CTNNA3: variants seen among roughly 807,000 people sequenced by gnomAD.
The protein encoded by CTNNA3 is catenin alpha 3, also known as catenin alpha-3.
CTNNA3 carries 76 observed loss-of-function variants against 95.7 expected under a neutral mutation model. That is an observed-to-expected ratio of 0.79 (90% CI 0.66 to 0.96). The LOEUF (loss-of-function observed/expected upper bound fraction) is 0.96, where lower values mean the gene tolerates loss of function less well. Among genes scored for constraint, CTNNA3 ranks in the 40% least tolerant of loss-of-function variants. The probability of loss-of-function intolerance (pLI) is 0.00; values close to 1 mark genes in which losing one functional copy is unlikely to be tolerated. For missense variants in CTNNA3, 1,191 were observed against 1,089.8 expected (o/e 1.09, Z -1.31); for synonymous variants, 431 against 374.4 (o/e 1.15, Z -1.74).
chr10:66,605,016 G>T (rs1478705084), intron 10 of CTNNA3, among the ~76,000 whole-genome samples: 1 of 152,124 alleles, frequency 6.6e-6, no homozygotes, highest in African/African-American at 2.4e-5. Flanking sequence ...AGATCATTAA[G>T]ATGCAGGAGT....
Position 66,121,562 on chromosome 10 carries a change from A to G in CTNNA3, c.1885-18313T>C, listed in dbSNP as rs116748147. On this transcript the variant is annotated intron_variant, in intron 13 of 17. Transcript: ENST00000433211. ...ACTTGGAATAATCATGTGGGAAAAA[A>G]GTTGTAGCCAGGTGCAGTGGTTCAT... Among the ~76,000 whole-genome samples, 477 of 152,250 alleles carry G rather than the reference A, an allele frequency of 3.1e-3. 2 individuals carry two copies. The highest frequency in any genetic ancestry group is 0.011 in the African/African-American group (455 of 41,546).
chr10:66,231,271 C>T (rs564871370), intron 13 of CTNNA3, among the ~76,000 whole-genome samples: 2 of 152,046 alleles, frequency 1.3e-5, no homozygotes, highest in Non-Finnish European at 2.9e-5. Flanking sequence ...GCAGACAATC[C>T]TGGCCAGACA....
At chr10:66,732,772 T>A (rs1849001940) in intron 9 of CTNNA3, among the ~76,000 whole-genome samples, 1 of 144,598 alleles carries the variant, frequency 6.9e-6, no homozygotes, top group African/African-American at 2.9e-5. Context: ...CAGCCAAACA[T>A]TATCCCCTAA....
intron 3 of CTNNA3, among the ~76,000 whole-genome samples, chr10:67,605,002 G>T (rs1843215080): frequency 1.3e-5 from 2 of 152,074 alleles, no homozygotes; most frequent in African/African-American, 2.4e-5. Context: ...ATTAGAAATA[G>T]AACTACCATT....
chr10:66,775,247 A>G (rs573452507), intron 8 of CTNNA3, among the ~76,000 whole-genome samples, 197 bp downstream of exon 8: 51 of 152,322 alleles, frequency 3.3e-4, no homozygotes, highest in Non-Finnish European at 5.6e-4. Context: ...TAAGGCACAC[A>G]TTCTTTCTCT....
chr10:66,726,270 G>C (rs1848778798), intron 9 of CTNNA3, among the ~76,000 whole-genome samples: 1 of 151,898 alleles, frequency 6.6e-6, no homozygotes. Flanking sequence ...GAATTTCATG[G>C]GTTCCTTTCA....
At chr10:66,088,945 T>C (rs77939481) in intron 14 of CTNNA3, among the ~76,000 whole-genome samples, 1 of 152,220 alleles carries the variant, frequency 6.6e-6, no homozygotes, top group East Asian at 1.9e-4. Context: ...TTTCTTCTTA[T>C]TAATTTGTGA....
chr10:66,055,355 A>C (rs1371048470), intron 15 of CTNNA3, among the ~76,000 whole-genome samples: 1 of 152,190 alleles, frequency 6.6e-6, no homozygotes, highest in Non-Finnish European at 1.5e-5. Flanking sequence ...ATCCATGAAC[A>C]TGAAATATAT....
chr10:66,680,553 T>C (rs540968250), intron 9 of CTNNA3, among the ~76,000 whole-genome samples: 1 of 152,280 alleles, frequency 6.6e-6, no homozygotes, highest in Admixed American at 6.5e-5. Context: ...TCATCTATAA[T>C]ACTTGGGATA....
At chr10:66,245,905 C>G (rs1032871730) in intron 13 of CTNNA3, among the ~76,000 whole-genome samples, 5 of 152,204 alleles carry the variant, frequency 3.3e-5, no homozygotes, top group African/African-American at 1.2e-4. Flanking sequence ...TCACCTCTGG[C>G]TGAGACTTTG....
Position 67,576,831 on chromosome 10 carries a change from T to A in CTNNA3, c.292+30026A>T, listed in dbSNP as rs1345088839. Among the ~76,000 whole-genome samples, 7 of 110,212 alleles carry A rather than the reference T, an allele frequency of 6.4e-5. 1 individual carries two copies. The highest frequency in any genetic ancestry group is 1.2e-4 in the African/African-American group (2 of 17,160). 72.3% of individuals were successfully genotyped at this position (110,212 alleles called of 152,430 possible). On this transcript the variant is annotated intron_variant, in intron 3 of 17. Coordinates refer to ENST00000433211, the MANE Select transcript of CTNNA3 (RefSeq NM_013266.4). ...TTGGTTTTTTGTCCTTGCAATAGTT[T>A]GCTGAGAATGATAGTTTCCAGCATC...
chr10:66,137,759 C>A (rs1046463418), intron 13 of CTNNA3, among the ~76,000 whole-genome samples: 3 of 151,806 alleles, frequency 2.0e-5, no homozygotes, highest in African/African-American at 7.3e-5. Flanking sequence ...TTAGCCTGGG[C>A]AACATGGCAA....
At chr10:66,929,944 G>A (rs1452088547) in intron 7 of CTNNA3, among the ~76,000 whole-genome samples, 1 of 152,130 alleles carries the variant, frequency 6.6e-6, no homozygotes, top group African/African-American at 2.4e-5. Context: ...GCAACATTGA[G>A]GCTGTTTCAT....
chr10:66,972,080 G>A (rs1849752887), intron 7 of CTNNA3, among the ~76,000 whole-genome samples: 1 of 152,036 alleles, frequency 6.6e-6, no homozygotes, highest in Admixed American at 6.6e-5. Flanking sequence ...ACTCCACTGA[G>A]CTTTTAAGCT....
intron 5 of CTNNA3, among the ~76,000 whole-genome samples, chr10:67,496,079 T>C (rs900548282): frequency 1.3e-5 from 2 of 152,228 alleles, no homozygotes; most frequent in East Asian, 1.9e-4. Context: ...GTATATTTCT[T>C]ATATCGAGCA....
intron 9 of CTNNA3, among the ~76,000 whole-genome samples, chr10:66,755,779 C>T (rs1330519651): frequency 6.6e-6 from 1 of 152,124 alleles, no homozygotes; most frequent in Non-Finnish European, 1.5e-5. Flanking sequence ...ATTCTCATCT[C>T]CTTTTCCTAA....
rs139237480 is a variant in CTNNA3 at position 66,458,988 on chromosome 10, C to T, written c.1531+61629G>A. On this transcript the variant is annotated intron_variant, in intron 11 of 17. Transcript: ENST00000433211. ...TGAACTGCATGAGTCCACTTATATG[C>T]AGATATTTTCAATAAAACTTACACT... Among the ~76,000 whole-genome samples the T allele has an allele frequency of 3.3e-3, 502 of 152,132 alleles. 1 individual carries two copies. Among genetic ancestry groups the T allele is most frequent in the African/African-American group, 0.012 (481 of 41,526 alleles).
intron 11 of CTNNA3, among the ~76,000 whole-genome samples, chr10:66,512,622 A>T (rs1354564720): frequency 1.3e-5 from 2 of 152,036 alleles, no homozygotes; most frequent in Non-Finnish European, 2.9e-5. Flanking sequence ...CTTTTGCTTA[A>T]TTGATAGATA....
intron 7 of CTNNA3, among the ~76,000 whole-genome samples, chr10:67,028,529 A>G (rs1853525865): frequency 6.6e-6 from 1 of 152,142 alleles, no homozygotes; most frequent in African/African-American, 2.4e-5. Context: ...CAAATAGTCA[A>G]TGAAATCGAG....
Sources: allele counts gnomAD v4.1 joint callset (sites outside exome capture counted in the v4.1 genomes callset), GRCh38; gene constraint gnomAD v4.1.1; transcripts MANE v1.5; gene names NCBI Gene and HGNC (gene_info 2026-07-23, HGNC 2026-07-21).